Variants in MTMR8 observed in about 807,000 individuals in gnomAD.
The protein encoded by MTMR8 is myotubularin related protein 8.
A neutral mutation model predicts 39.3 loss-of-function variants in MTMR8; 65 were observed. That is an observed-to-expected ratio of 1.65 (90% CI 1.35 to 2.03). The LOEUF (loss-of-function observed/expected upper bound fraction) is 2.03, where lower values mean the gene tolerates loss of function less well. Among genes scored for constraint, MTMR8 ranks in the 30% most tolerant of loss-of-function variants. The pLI is 0.00. For synonymous variants in MTMR8, 245 were observed against 185.2 expected (o/e 1.32, Z -2.62); for missense variants, 777 against 538.9 (o/e 1.44, Z -4.37).
At chrX:64,309,346 A>AT (rs202039935) in intron 12 of MTMR8, among the ~76,000 whole-genome samples, 9,169 of 111,119 alleles carry the variant, frequency 0.083, 1,007 homozygotes, top group African/African-American at 0.29. Flanking sequence ...TAAGTATGCC[A>AT]TTTTTTGTGT....
At chrX:64,306,098 C>T (rs1922106949) in intron 12 of MTMR8, 3 of 217,222 alleles carry the variant, frequency 1.4e-5, no homozygotes, top group Non-Finnish European at 2.7e-5. Flanking sequence ...CCTGGGTGAG[C>T]CCCTATCACA....
intron 12 of MTMR8, among the ~76,000 whole-genome samples, chrX:64,289,926 T>C (rs1448333148): frequency 9.0e-6 from 1 of 111,032 alleles, no homozygotes; most frequent in Non-Finnish European, 1.9e-5. Flanking sequence ...ATTCCTCTTA[T>C]ATGAGGTACC....
At chrX:64,305,557 C>A (rs966470834) in intron 12 of MTMR8, 15 of 437,291 alleles carry the variant, frequency 3.4e-5, no homozygotes, top group Non-Finnish European at 6.4e-5. Context: ...GTTTGCTCTT[C>A]AATTCCAGTA....
intron 4 of MTMR8, among the ~76,000 whole-genome samples, chrX:64,351,204 A>G (rs1406248507): frequency 9.0e-6 from 1 of 110,888 alleles, no homozygotes; most frequent in Non-Finnish European, 1.9e-5. Context: ...CACACATTTG[A>G]GGTGGACAGA....
chrX:64,343,490 G>C (rs1264858605), intron 8 of MTMR8, 121 bp downstream of exon 8: 2 of 449,589 alleles, frequency 4.4e-6, no homozygotes, highest in Admixed American at 7.7e-5. Context: ...CAGTGAATTA[G>C]TGGCAGAGCT....
chrX:64,368,334 G>C (rs1309670608), intron 1 of MTMR8, among the ~76,000 whole-genome samples: 1 of 110,952 alleles, frequency 9.0e-6, no homozygotes, highest in Non-Finnish European at 1.9e-5. Flanking sequence ...AAGCTGGAGG[G>C]GTCACACTAC....
intron 1 of MTMR8, among the ~76,000 whole-genome samples, chrX:64,367,875 C>T (rs1464817377): frequency 9.0e-6 from 1 of 111,597 alleles, no homozygotes; most frequent in African/African-American, 3.3e-5. Context: ...TGTCTCAGCC[C>T]AAAATCTCAT....
chrX:64,379,241 A>C (rs1924348467), intron 1 of MTMR8, among the ~76,000 whole-genome samples: 1 of 112,140 alleles, frequency 8.9e-6, no homozygotes, highest in African/African-American at 3.2e-5. Flanking sequence ...CATCTCTTCA[A>C]AATGGAAGCA....
intron 12 of MTMR8, among the ~76,000 whole-genome samples, chrX:64,321,721 T>C (rs1436613758): frequency 8.9e-6 from 1 of 111,959 alleles, no homozygotes; most frequent in Non-Finnish European, 1.9e-5. Flanking sequence ...AATCTACATA[T>C]CTACAAAGCT....
At chrX:64,270,104 C>A (rs897726618) in intron 13 of MTMR8, among the ~76,000 whole-genome samples, 1 of 110,032 alleles carries the variant, frequency 9.1e-6, no homozygotes, top group Admixed American at 9.7e-5. Flanking sequence ...TGGGCCTTCT[C>A]GGGGATGCAT....
chrX:64,378,954 C>T (rs781680247), intron 1 of MTMR8, among the ~76,000 whole-genome samples: 4 of 111,628 alleles, frequency 3.6e-5, no homozygotes, highest in East Asian at 2.8e-4. Flanking sequence ...GGGGCCATCA[C>T]TACTGATCCC....
chrX:64,358,843 G>GCACACACACACACACA (rs762422321), intron 2 of MTMR8, among the ~76,000 whole-genome samples: 3 of 91,179 alleles, frequency 3.3e-5, no homozygotes, highest in African/African-American at 1.3e-4. Context: ...GCCCGTGCAT[G>GCACACACACACACACA]CACACACACA....
chrX:64,319,476 C>T (rs1922567810), intron 12 of MTMR8, among the ~76,000 whole-genome samples: 1 of 112,028 alleles, frequency 8.9e-6, no homozygotes, highest in African/African-American at 3.2e-5. Flanking sequence ...GAAGTCCTTG[C>T]CCATGCCTAT....
At chrX:64,394,212 C>T (rs919682257) in intron 1 of MTMR8, among the ~76,000 whole-genome samples, 1 of 111,523 alleles carries the variant, frequency 9.0e-6, no homozygotes. Context: ...ACAGGAAAGC[C>T]CTGCCCCCAT....
At chrX:64,321,180 C>A (rs1456396171) in intron 12 of MTMR8, among the ~76,000 whole-genome samples, 2 of 110,788 alleles carry the variant, frequency 1.8e-5, no homozygotes, top group Non-Finnish European at 3.8e-5. Context: ...AGAAAAAAAA[C>A]AAAAACGTAT....
intron 13 of MTMR8, among the ~76,000 whole-genome samples, chrX:64,270,574 A>G (rs1042053418): frequency 2.7e-5 from 3 of 112,452 alleles, no homozygotes; most frequent in African/African-American, 9.7e-5. Flanking sequence ...AGATTTTCCT[A>G]ATTGGAAAAC....
chrX:64,367,500 G>A lies in MTMR8; in HGVS notation c.25-7973C>T, dbSNP rs192268417. On this transcript the variant is annotated intron_variant, in intron 1 of 13. Transcript: ENST00000374852. ...AATCCATCACATAAACAGAACCAAC[G>A]ACAAAAACCACATGATTATCTCAAT... Among the ~76,000 whole-genome samples the A allele has an allele frequency of 1.2e-3, 137 of 111,885 alleles. 1 individual carries two copies. The East Asian group carries it at 0.028, about 23-fold the overall frequency.
chrX:64,363,927 G>A (rs187917451), intron 1 of MTMR8, among the ~76,000 whole-genome samples: 37 of 112,634 alleles, frequency 3.3e-4, no homozygotes, highest in Non-Finnish European at 6.4e-4. Flanking sequence ...TGGCACACCA[G>A]GAGATTATAT....
intron 1 of MTMR8, among the ~76,000 whole-genome samples, chrX:64,382,616 T>C (rs917400538): frequency 9.0e-6 from 1 of 111,387 alleles, no homozygotes; most frequent in South Asian, 3.8e-4. Context: ...GCCTGATTGC[T>C]CTGGTCAGAA....
Sources: allele counts gnomAD v4.1 joint callset (sites outside exome capture counted in the v4.1 genomes callset), GRCh38; gene constraint gnomAD v4.1.1; transcripts MANE v1.5; gene names NCBI Gene and HGNC (gene_info 2026-07-23, HGNC 2026-07-21).